The following OSBPL3 variants were observed in gnomAD, a reference collection of about 807,000 sequenced individuals.
The protein encoded by OSBPL3 is oxysterol-binding protein-related protein 3.
A neutral mutation model predicts 120.1 loss-of-function variants in OSBPL3; 65 were observed. The observed-to-expected ratio is 0.54, with a 90% CI of 0.44 to 0.67. OSBPL3 has a LOEUF of 0.67. Ranked by LOEUF, OSBPL3 falls within the 30% of genes least tolerant of loss-of-function variation. The pLI is 0.00. For synonymous variants in OSBPL3, 416 were observed against 402.6 expected (o/e 1.03, Z -0.40); for missense variants, 1,004 against 1,082.1 (o/e 0.93, Z 1.01).
chr7:24,826,962 A>G (rs1419558275), intron 16 of OSBPL3, among the ~76,000 whole-genome samples: 1 of 152,204 alleles, frequency 6.6e-6, no homozygotes, highest in Non-Finnish European at 1.5e-5. Flanking sequence ...GGGGCTTGGA[A>G]GAGAGGCAGC....
At chr7:24,970,182 A>T (rs1816852227) in intron 1 of OSBPL3, among the ~76,000 whole-genome samples, 1 of 131,292 alleles carries the variant, frequency 7.6e-6, no homozygotes, top group Admixed American at 9.5e-5. Flanking sequence ...ATCTTGGCTG[A>T]CTGCAACCTC....
At chr7:24,865,211 C>G (rs900083348) in intron 7 of OSBPL3, 131 bp downstream of exon 7, 1 of 966,262 alleles carries the variant, frequency 1.0e-6, no homozygotes, top group African/African-American at 1.6e-5. Flanking sequence ...TGGGTGCAAC[C>G]TTTACAAGCA....
At chr7:24,934,772 CA>C (rs141773386) in intron 1 of OSBPL3, among the ~76,000 whole-genome samples, 1,800 of 152,276 alleles carry the variant, frequency 0.012, 27 homozygotes, top group African/African-American at 0.032. Flanking sequence ...GGCCAATTTT[CA>C]GTTATGTCTT....
Position 24,819,842 on chromosome 7 carries a change from G to T in OSBPL3, c.1948+333C>A, listed in dbSNP as rs1026512438. Among the ~76,000 whole-genome samples, 1 of 152,048 alleles carries T rather than the reference G, an allele frequency of 6.6e-6. No individual in the cohort carries two copies. Among genetic ancestry groups the T allele is most frequent in the African/African-American group, 2.4e-5 (1 of 41,404 alleles). On this transcript the variant is annotated intron_variant, in intron 17 of 22. Coordinates refer to ENST00000313367, the MANE Select transcript of OSBPL3 (RefSeq NM_015550.4). The surrounding 1 kb of genome is among the most constrained non-coding windows in gnomAD (Gnocchi z 4.1). ...AAAAGAAGTAAGCAATGTAAAACAC[G>T]ACTTCAGAAATAAAATTTAAGTTTG...
chr7:24,828,365 C>T (rs1052926263), intron 16 of OSBPL3, among the ~76,000 whole-genome samples: 2 of 152,140 alleles, frequency 1.3e-5, no homozygotes, highest in Admixed American at 6.6e-5. Flanking sequence ...AATCCCAGCA[C>T]TTTGGGAGGC....
intron 1 of OSBPL3, among the ~76,000 whole-genome samples, chr7:24,977,975 G>A (rs1817774533): frequency 6.6e-6 from 1 of 152,200 alleles, no homozygotes; most frequent in Admixed American, 6.5e-5. Flanking sequence ...AAATCTTTTG[G>A]CTAAGCCATA....
At chr7:24,980,478 G>A (rs1388602296), upstream of OSBPL3, among the ~76,000 whole-genome samples, 1 of 152,070 alleles carries the variant, frequency 6.6e-6, no homozygotes, top group East Asian at 1.9e-4. Flanking sequence ...GGCCCAGCTC[G>A]GTGCCTGCGC....
At position 24,820,085 on chromosome 7, in the gene OSBPL3, T is replaced by A; in HGVS notation, c.1948+90A>T. On this transcript the variant is annotated intron_variant, in intron 17 of 22. Coordinates refer to ENST00000313367, the MANE Select transcript of OSBPL3 (RefSeq NM_015550.4). The surrounding 1 kb of genome is among the most constrained non-coding windows in gnomAD (Gnocchi z 4.6). ...GCCCAAATCCAAGGACCACTTTTGATCTCAGTAAGAATTGACAGCAATTCT... is the reference window on the plus strand; with the variant it reads ...GCCCAAATCCAAGGACCACTTTTGAACTCAGTAAGAATTGACAGCAATTCT... The A allele has an allele frequency of 1.1e-6, 1 of 939,648 alleles. No homozygotes were observed. Among genetic ancestry groups the A allele is most frequent in the South Asian group, 1.5e-5 (1 of 65,978 alleles). 58.2% of individuals were successfully genotyped at this position (939,648 alleles called of 1,614,324 possible). A position where few individuals can be genotyped will look rare whatever the true frequency, so the allele number is the denominator to read the frequency against.
At chr7:24,977,566 A>AT (rs11377684) in intron 1 of OSBPL3, among the ~76,000 whole-genome samples, 4 of 152,046 alleles carry the variant, frequency 2.6e-5, no homozygotes, top group Admixed American at 1.3e-4. Flanking sequence ...GGTGAAAATT[A>AT]AGCTTACGGG....
intron 22 of OSBPL3, among the ~76,000 whole-genome samples, chr7:24,801,356 C>T (rs17150177): frequency 0.11 from 16,126 of 151,686 alleles, 917 homozygotes; most frequent in South Asian, 0.14. Context: ...ATTCAAAGGG[C>T]GCAAAAGGGT....
intron 16 of OSBPL3, among the ~76,000 whole-genome samples, chr7:24,825,512 T>C (rs1339107186): frequency 6.6e-6 from 1 of 152,220 alleles, no homozygotes; most frequent in East Asian, 1.9e-4. Context: ...AAGTGCTGAC[T>C]TGACCTAGAA....
At chr7:24,979,638 GC>G (rs1420194353) in intron 1 of OSBPL3, among the ~76,000 whole-genome samples, 2 of 152,142 alleles carry the variant, frequency 1.3e-5, no homozygotes, top group African/African-American at 4.8e-5. Flanking sequence ...AATCCTCTGA[GC>G]CGTCCCTCGA....
chr7:24,846,070 T>C (rs777479325), intron 12 of OSBPL3, among the ~76,000 whole-genome samples: 16 of 150,302 alleles, frequency 1.1e-4, no homozygotes, highest in Admixed American at 4.6e-4. Flanking sequence ...CCCTTTCCCA[T>C]TGGCTTTTGA....
intron 22 of OSBPL3, among the ~76,000 whole-genome samples, chr7:24,800,562 T>C (rs1470510433): frequency 6.6e-6 from 1 of 151,092 alleles, no homozygotes; most frequent in East Asian, 2.0e-4. Context: ...GTTCAATCGA[T>C]TCTCCTGCCT....
chr7:24,809,881 T>G lies in OSBPL3; in HGVS notation c.2243A>C (p.His748Pro). 1 of 1,614,190 alleles carries G rather than the reference T, an allele frequency of 6.2e-7. No individual in the cohort carries two copies. Among genetic ancestry groups the G allele is most frequent in the Non-Finnish European group, 8.5e-7 (1 of 1,180,002 alleles). Reference sequence around the variant, plus strand: ...TTCATGCCATTTCCCAAACAGCCGATGAACCGCTTTTCCACTCCTGTCAAA... The same window carrying G: ...TTCATGCCATTTCCCAAACAGCCGAGGAACCGCTTTTCCACTCCTGTCAAA... ...TVFDRSGKAV[H>P]RLFGKWHESI... is the part of the protein sequence containing the mutation. Residue 748 changes from histidine to proline, a missense_variant, in exon 20 of 23, where the codon CAT becomes CCT. Physicochemically the swap from His to Pro is moderately conservative, Grantham distance 77 (BLOSUM62 -2). Around this residue, in one of 4 missense-constraint regions of OSBPL3, gnomAD observed 473 missense variants for 568.0 expected, o/e 0.83. Coordinates refer to ENST00000313367, the MANE Select transcript of OSBPL3 (RefSeq NM_015550.4).
intron 12 of OSBPL3, among the ~76,000 whole-genome samples, chr7:24,843,566 A>C (rs925981200): frequency 6.6e-6 from 1 of 152,312 alleles, no homozygotes; most frequent in South Asian, 2.1e-4. Context: ...AGATTTTCGT[A>C]ATTAATAAAA....
intron 16 of OSBPL3, among the ~76,000 whole-genome samples, chr7:24,828,417 G>A (rs951003411): frequency 5.3e-5 from 8 of 151,952 alleles, no homozygotes; most frequent in Admixed American, 2.0e-4. Context: ...CGACCAGCCC[G>A]GCCAATATGG....
At position 24,820,956 on chromosome 7, in the gene OSBPL3, A is replaced by G. The variant is rs1202123587; in HGVS notation, c.1885-718T>C. ...GAAAAGAGAATCCCCTGGAGCAGAGAGTGCCCTTTGGCAAGGGGTCATTAC... is the reference window on the plus strand; with the variant it reads ...GAAAAGAGAATCCCCTGGAGCAGAGGGTGCCCTTTGGCAAGGGGTCATTAC... On this transcript the variant is annotated intron_variant, in intron 16 of 22. Transcript: ENST00000313367. This position sits in a 1 kb window ranked among gnomAD's most constrained non-coding sequence, Gnocchi z 4.6. 6.6e-6 allele frequency among the ~76,000 whole-genome samples: 1 copy of G among 152,250 alleles called. No individual in the cohort carries two copies. The highest frequency in any genetic ancestry group is 1.5e-5 in the Non-Finnish European group (1 of 68,044).
chr7:24,830,843 C>A lies in OSBPL3; in HGVS notation c.1809G>T (p.Lys603Asn). 3 of 1,614,130 alleles carry A rather than the reference C, an allele frequency of 1.9e-6. No homozygotes were observed. The highest frequency in any genetic ancestry group is 1.7e-6 in the Non-Finnish European group (2 of 1,179,990). ...YASSYYRAGSKPFNPVLGETY... is the reference protein window; with the variant it reads ...YASSYYRAGSNPFNPVLGETY... ...TTTCTCCAAGAACCGGATTAAATGG[C>A]TTGCTTCCAGCTCGGTAGTAGCTAG... Residue 603 changes from lysine to asparagine, a missense_variant, in exon 16 of 23, where the codon AAG becomes AAT. Physicochemically the swap from Lys to Asn is moderately conservative, Grantham distance 94. Coordinates refer to ENST00000313367, the MANE Select transcript of OSBPL3 (RefSeq NM_015550.4). The surrounding 1 kb of genome is among the most constrained non-coding windows in gnomAD (Gnocchi z 4.4).
Sources: gnomAD v4.1 joint callset for allele counts (sites outside exome capture counted in the v4.1 genomes callset) on GRCh38, gnomAD v4.1.1 for gene constraint, gnomAD v4.1.1 regional missense constraint, Gnocchi (gnomAD v3.1) non-coding constraint, MANE v1.5 for transcripts, NCBI Gene and HGNC (gene_info 2026-07-23, HGNC 2026-07-21) for gene names.